Variants in STAP1 observed in about 807,000 individuals in gnomAD.
The protein encoded by STAP1 is signal transducing adaptor family member 1.
In STAP1, 30 loss-of-function variants were observed where a neutral mutation model predicts 37.8. The observed-to-expected ratio is 0.79, with a 90% confidence interval of 0.59 to 1.08. STAP1 has a LOEUF of 1.08. Ranked by LOEUF, STAP1 falls within the 50% of genes least tolerant of loss-of-function variation. STAP1 has a pLI of 0.00. For missense variants in STAP1, 357 were observed against 349.4 expected (o/e 1.02, Z -0.17); for synonymous variants, 130 against 116.0 (o/e 1.12, Z -0.78).
chr4:67,572,789 TC>T (rs1727635082), intron 2 of STAP1, among the ~76,000 whole-genome samples: 1 of 152,198 alleles, frequency 6.6e-6, no homozygotes, highest in Non-Finnish European at 1.5e-5. Context: ...AATTTAAGTC[TC>T]ACAACTCTGC....
At chr4:67,575,630 C>T (rs1727703031) in intron 3 of STAP1, 132 bp downstream of exon 3, 1 of 676,962 alleles carries the variant, frequency 1.5e-6, no homozygotes, top group Non-Finnish European at 2.5e-6. Flanking sequence ...TTGCTTGCGT[C>T]TGGCCAAGAC....
chr4:67,558,861 A>C lies in STAP1; in HGVS notation c.52A>C (p.Arg18=), dbSNP rs1187716800. 1 of 1,613,790 alleles carries C rather than the reference A, an allele frequency of 6.2e-7. No homozygotes were observed. The highest frequency in any genetic ancestry group is 1.7e-5 in the Admixed American group (1 of 60,004). The change falls in exon 1 of 9, where the codon AGG becomes CGG. Residue 18 remains arginine, a synonymous_variant. Coordinates refer to ENST00000265404, the MANE Select transcript of STAP1 (RefSeq NM_012108.4). ...AGCCCCTCGCAGGATCTTCCAGGAA[A>C]GGTTAAAGATTACTGCTCTACCTTT... ...KPAPRRIFQE[R]LKITALPLYF... is the part of the protein sequence containing the mutation.
At chr4:67,591,005 G>A in intron 7 of STAP1, 52 bp downstream of exon 7, 1 of 1,415,960 alleles carries the variant, frequency 7.1e-7, no homozygotes, top group South Asian at 1.2e-5. Flanking sequence ...ATTCCTTATA[G>A]CCTCCTAGTG....
chr4:67,580,528 C>G (rs1489367338), intron 4 of STAP1, among the ~76,000 whole-genome samples: 1 of 152,178 alleles, frequency 6.6e-6, no homozygotes, highest in African/African-American at 2.4e-5. Flanking sequence ...AAAGCATGCA[C>G]TCTTCTCTGA....
At chr4:67,559,008 A>T in intron 1 of STAP1, 79 bp downstream of exon 1, 2 of 1,341,576 alleles carry the variant, frequency 1.5e-6, no homozygotes, top group Admixed American at 5.1e-5. Flanking sequence ...GTGATGTGTT[A>T]AGACCTCCTT....
chr4:67,585,238 A>T (rs997665314), intron 6 of STAP1, among the ~76,000 whole-genome samples: 12 of 152,208 alleles, frequency 7.9e-5, no homozygotes, highest in Admixed American at 2.6e-4. Context: ...ATATTATTTT[A>T]TTAAATTTTA....
intron 1 of STAP1, among the ~76,000 whole-genome samples, chr4:67,563,110 T>C (rs1358752138): frequency 6.6e-6 from 1 of 152,170 alleles, no homozygotes; most frequent in Non-Finnish European, 1.5e-5. Context: ...AGTTAATTCA[T>C]TTTTGCTAGT....
At position 67,581,405 on chromosome 4, in the gene STAP1, G is replaced by A. The variant is rs974340140; in HGVS notation, c.464G>A (p.Ser155Asn). 1 of 1,614,012 alleles carries A rather than the reference G, an allele frequency of 6.2e-7. No individual in the cohort carries two copies. Among genetic ancestry groups the A allele is most frequent in the Non-Finnish European group, 8.5e-7 (1 of 1,179,918 alleles). The change falls in exon 5 of 9, where the codon AGT (serine) becomes AAT (asparagine). Residue 155 changes from serine to asparagine, a missense_variant. Physicochemically the swap from Ser to Asn is conservative, Grantham distance 46 (BLOSUM62 1). Coordinates refer to ENST00000265404, the MANE Select transcript of STAP1 (RefSeq NM_012108.4). ...AAAAGGAGGATTGAGACAGAGCAGA[G>A]TACGTCCGTGGAAAAAGAGAAGGAA... ...EKKRRIETEQ[S>N]TSVEKEKEPT...
chr4:67,594,971 T>A (rs986436601), intron 8 of STAP1, among the ~76,000 whole-genome samples: 1 of 152,104 alleles, frequency 6.6e-6, no homozygotes, highest in Non-Finnish European at 1.5e-5. Context: ...TGGGAAGTAT[T>A]TTCTTAGTGG....
In STAP1 at chr4:67,583,536, T is replaced by TA. The variant is rs753553498; in HGVS notation, c.531-31dup. On this transcript the variant is annotated intron_variant, in intron 5 of 8. Coordinates refer to ENST00000265404, the MANE Select transcript of STAP1 (RefSeq NM_012108.4). ...TTTTCAAGTAATGATCTTCATCAGT[T>TA]AAAAAAACAATTCTGTTTTTTTATC... 1,787 of 1,558,348 alleles carry TA rather than the reference T, an allele frequency of 1.1e-3. 9 individuals are homozygous for TA. Among genetic ancestry groups the TA allele is most frequent in the Non-Finnish European group, 9.1e-4 (1,047 of 1,154,088 alleles).
At chr4:67,603,206 A>G (rs1356950471) in intron 8 of STAP1, among the ~76,000 whole-genome samples, 1 of 152,158 alleles carries the variant, frequency 6.6e-6, no homozygotes, top group East Asian at 1.9e-4. Flanking sequence ...ATGTTCACTC[A>G]AGGCCCAAGG....
At chr4:67,593,064 AT>A (rs1305216414) in intron 7 of STAP1, among the ~76,000 whole-genome samples, 195 bp from the exon 8 acceptor site, 4 of 152,192 alleles carry the variant, frequency 2.6e-5, no homozygotes, top group African/African-American at 9.6e-5. Context: ...AAAGGTGGTA[AT>A]TCCTCAACAG....
chr4:67,571,113 A>C lies in STAP1; in HGVS notation c.150A>C (p.Arg50Ser). 1 of 1,611,814 alleles carries C rather than the reference A, an allele frequency of 6.2e-7. No homozygotes were observed. Among genetic ancestry groups the C allele is most frequent in the South Asian group, 1.1e-5 (1 of 91,024 alleles). The stretch of plus-strand genomic sequence containing the variant: ...ATGAGCATTACTGGACAGAGTTGAG[A>C]GGAACTACTCTTTTCTTTTATACCG... ...REYEHYWTELRGTTLFFYTDK... is the reference protein window; with the variant it reads ...REYEHYWTELSGTTLFFYTDK... Residue 50 changes from arginine (R) to serine (S), a missense_variant, in exon 2 of 9, where the codon AGA becomes AGC. Coordinates refer to ENST00000265404, the MANE Select transcript of STAP1 (RefSeq NM_012108.4).
chr4:67,604,995 G>A (rs573257148), intron 8 of STAP1, among the ~76,000 whole-genome samples: 1 of 152,296 alleles, frequency 6.6e-6, no homozygotes, highest in East Asian at 1.9e-4. Flanking sequence ...CAATTCAGAG[G>A]TGAGCCTGGA....
At position 67,583,571 on chromosome 4, in the gene STAP1, T is replaced by C. The variant is rs1256778645; in HGVS notation, c.531-3T>C. 1 of 1,604,460 alleles carries C rather than the reference T, an allele frequency of 6.2e-7. No homozygotes were observed. On this transcript the variant is annotated splice_region_variant and splice_polypyrimidine_tract_variant and intron_variant, in intron 5 of 8. Coordinates refer to ENST00000265404, the MANE Select transcript of STAP1 (RefSeq NM_012108.4). ...ATTCTGTTTTTTTATCTCACCTCTG[T>C]AGATGTTTTTATACAGTGTCCCGGA...
chr4:67,574,535 A>G (rs905156340), intron 2 of STAP1, among the ~76,000 whole-genome samples: 11 of 152,294 alleles, frequency 7.2e-5, no homozygotes, highest in African/African-American at 2.6e-4. Context: ...TATTTTGTCA[A>G]TTTTTGTTCT....
chr4:67,595,043 T>C (rs1728195336), intron 8 of STAP1, among the ~76,000 whole-genome samples: 1 of 152,160 alleles, frequency 6.6e-6, no homozygotes, highest in Non-Finnish European at 1.5e-5. Context: ...TAAATTTTGC[T>C]TCTGTAGATT....
At chr4:67,593,071 A>C (rs1728154208) in intron 7 of STAP1, among the ~76,000 whole-genome samples, 189 bp from the exon 8 acceptor site, 2 of 152,224 alleles carry the variant, frequency 1.3e-5, no homozygotes, top group African/African-American at 4.8e-5. Context: ...GTAATTCCTC[A>C]ACAGAGAATG....
At chr4:67,596,400 GA>G (rs1284758623) in intron 8 of STAP1, among the ~76,000 whole-genome samples, 7 of 152,152 alleles carry the variant, frequency 4.6e-5, no homozygotes. Context: ...ATAGCAGTGT[GA>G]AAATGGACTA....
Sources: gnomAD v4.1 joint callset for allele counts (sites outside exome capture counted in the v4.1 genomes callset) on GRCh38, gnomAD v4.1.1 for gene constraint, MANE v1.5 for transcripts, NCBI Gene and HGNC (gene_info 2026-07-23, HGNC 2026-07-21) for gene names.